The following EOLA1 variants were observed in gnomAD, a reference collection of about 807,000 sequenced individuals.
The protein encoded by EOLA1 is endothelium and lymphocyte associated ASCH domain 1, also known as protein EOLA1.
Under a neutral mutation model 4.5 loss-of-function variants are expected in EOLA1, and 1 was observed. That is an observed-to-expected ratio of 0.22 (90% CI 0.08 to 1.05). The LOEUF (loss-of-function observed/expected upper bound fraction) is 1.05, where lower values mean the gene tolerates loss of function less well. Ranked by LOEUF, EOLA1 falls within the 50% of genes least tolerant of loss-of-function variation. EOLA1 has a pLI of 0.57. For missense variants in EOLA1, 69 were observed against 127.2 expected (o/e 0.54, Z 2.20); for synonymous variants, 37 against 52.3 (o/e 0.71, Z 1.26).
chrX:149,544,571 T>C, intron 2 of EOLA1: 2 of 751,035 alleles, frequency 2.7e-6, no homozygotes, highest in Middle Eastern at 7.6e-4. Flanking sequence ...TCTCCCTTCC[T>C]CACAGCCATG....
At position 149,546,721 on chromosome X, in the gene EOLA1, A is replaced by G. The variant is rs782469876; in HGVS notation, c.254-18A>G. On this transcript the variant is annotated intron_variant, in intron 4 of 4. Transcript: ENST00000393985. ...ATGGAAGTGAAAGGCATTCATGTGTATCTCTCTTTGTGTACAGGACTCGTT... is the reference window on the plus strand; with the variant it reads ...ATGGAAGTGAAAGGCATTCATGTGTGTCTCTCTTTGTGTACAGGACTCGTT... The G allele has an allele frequency of 7.6e-6, 9 of 1,179,387 alleles. No individual in the cohort carries two copies. In the Middle Eastern group the frequency reaches 1.4e-3, roughly 184 times the overall value.
At chrX:149,544,488 G>C (rs1283811993) in intron 2 of EOLA1, 13 of 748,623 alleles carry the variant, frequency 1.7e-5, no homozygotes, top group Non-Finnish European at 2.0e-5. Context: ...CGGGCCTGAG[G>C]GGTGAGGGCA....
At chrX:149,549,416 A>C (rs781966227), downstream of EOLA1, 1,344 of 1,162,294 alleles carry the variant, frequency 1.2e-3, 4 homozygotes, top group Non-Finnish European at 1.4e-3. Flanking sequence ...TGTTTTGCAG[A>C]ATCCATAGAG....
At chrX:149,542,149 C>G (rs1332110237) in intron 2 of EOLA1, 64 bp downstream of exon 2, 6 of 421,235 alleles carry the variant, frequency 1.4e-5, no homozygotes, top group Non-Finnish European at 1.8e-5. Flanking sequence ...AGGGATTCCA[C>G]ATACACACAG....
Position 149,548,257 on chromosome X carries a change from C to A in EOLA1, c.*1295C>A. 1.6e-6 allele frequency: 1 copy of A among 627,205 alleles called. No individual in the cohort carries two copies. The highest frequency in any genetic ancestry group is 2.1e-6 in the Non-Finnish European group (1 of 474,265). The allele number at this position is 627,205 out of a possible 1,213,427, so 51.7% of individuals were successfully genotyped here. A position where few individuals can be genotyped will look rare whatever the true frequency, so the allele number is the denominator to read the frequency against. Reference sequence around the variant, plus strand: ...TTTATTTCCATGGAATTTTGTTTTTCTTTATTAAGACCAAAAATGTGTTTC... The same window carrying A: ...TTTATTTCCATGGAATTTTGTTTTTATTTATTAAGACCAAAAATGTGTTTC... On this transcript the variant is annotated 3_prime_UTR_variant, in exon 5 of 5. Transcript: ENST00000393985.
intron 2 of EOLA1, among the ~76,000 whole-genome samples, chrX:149,543,248 CAG>C (rs1337750441): frequency 7.7e-5 from 4 of 51,820 alleles, no homozygotes; most frequent in African/African-American, 1.8e-4. Context: ...CATGTTCCCT[CAG>C]GGGATGGAAG....
chrX:149,541,939 C>T, intron 1 of EOLA1, 80 bp from the exon 2 acceptor site: 1 of 617,187 alleles, frequency 1.6e-6, no homozygotes, highest in Non-Finnish European at 2.0e-6. Flanking sequence ...CTGCTAAGTA[C>T]ATGACCTTCT....
intron 1 of EOLA1, chrX:149,541,780 T>C: frequency 1.3e-6 from 1 of 755,974 alleles, no homozygotes; most frequent in Non-Finnish European, 1.6e-6. Context: ...TGAAATGATT[T>C]TCTGCCCTGC....
chrX:149,549,087 A>G (rs2089893376), downstream of EOLA1, among the ~76,000 whole-genome samples: 2 of 111,523 alleles, frequency 1.8e-5, no homozygotes, highest in Admixed American at 9.4e-5. Context: ...AGGCAGTAAT[A>G]TATAAACAGC....
In EOLA1 at chrX:149,547,020, C is replaced by G. The variant is rs1602818689; in HGVS notation, c.*58C>G. Reference sequence around the variant, plus strand: ...GAAACCAGCTAAATCATGACACCTTCAATTTGCCATCATGACGCAGACCTG... The same window carrying G: ...GAAACCAGCTAAATCATGACACCTTGAATTTGCCATCATGACGCAGACCTG... On this transcript the variant is annotated 3_prime_UTR_variant, in exon 5 of 5. Coordinates refer to ENST00000393985, the MANE Select transcript of EOLA1 (RefSeq NM_001171907.3). The G allele has an allele frequency of 1.0e-5, 12 of 1,203,313 alleles. No individual in the cohort carries two copies. The African/African-American group carries it at 1.4e-4, about 14-fold the overall frequency.
rs1450074342 is a variant in EOLA1, at chrX:149,547,979, G to A, written c.*1017G>A. ...CAGGAAGATATTGCCGGAATCAGGC[G>A]TCTATTCTTTCTCCTGACCAGCAGG... On this transcript the variant is annotated 3_prime_UTR_variant, in exon 5 of 5. Transcript: ENST00000393985. Among the ~76,000 whole-genome samples, 4 of 98,138 alleles carry A rather than the reference G, an allele frequency of 4.1e-5. No individual in the cohort carries two copies. The highest frequency in any genetic ancestry group is 5.0e-4 in the South Asian group (1 of 1,998). The allele number at this position is 98,138 out of a possible 115,157, so 85.2% of individuals were successfully genotyped here.
chrX:149,542,486 C>T (rs782763956), intron 2 of EOLA1, among the ~76,000 whole-genome samples: 94 of 109,976 alleles, frequency 8.5e-4, no homozygotes, highest in African/African-American at 2.8e-3. Context: ...GCGTGCCAGG[C>T]GGCCGAGGCA....
chrX:149,550,187 C>T (rs2089902443), downstream of EOLA1: 1 of 89,204 alleles, frequency 1.1e-5, no homozygotes, highest in Non-Finnish European at 2.2e-5. Context: ...CTGACAGTCA[C>T]ATTGTGTCAA....
intron 1 of EOLA1, chrX:149,541,689 C>G: frequency 1.7e-6 from 1 of 591,452 alleles, no homozygotes; most frequent in Non-Finnish European, 2.0e-6. Context: ...AAACACTCGC[C>G]CCGTGACAAT....
At chrX:149,544,671 A>C (rs611179) in intron 2 of EOLA1, 171 of 751,183 alleles carry the variant, frequency 2.3e-4, no homozygotes, top group South Asian at 1.5e-3. Context: ...GCCGTCCTCC[A>C]TGCAAGAGGA....
chrX:149,549,066 T>G (rs1212374108), downstream of EOLA1, among the ~76,000 whole-genome samples: 2 of 110,126 alleles, frequency 1.8e-5, no homozygotes, highest in African/African-American at 3.3e-5. Context: ...AGATAAACAA[T>G]TCATAGATCA....
Position 149,547,127 on chromosome X carries a change from G to C in EOLA1, c.*165G>C. On this transcript the variant is annotated 3_prime_UTR_variant, in exon 5 of 5. Transcript: ENST00000393985. ...ACTGTGCATGTAAACAGGTTCCTTTGCTCAGATGAAGGAAGTAGGGGGTGG... is the reference window on the plus strand; with the variant it reads ...ACTGTGCATGTAAACAGGTTCCTTTCCTCAGATGAAGGAAGTAGGGGGTGG... 9.4e-7 allele frequency: 1 copy of C among 1,059,048 alleles called. No homozygotes were observed. Among genetic ancestry groups the C allele is most frequent in the Non-Finnish European group, 1.2e-6 (1 of 812,951 alleles). 87.3% of individuals were successfully genotyped at this position (1,059,048 alleles called of 1,213,427 possible).
chrX:149,541,894 G>C (rs2089736710), intron 1 of EOLA1, 125 bp from the exon 2 acceptor site: 1 of 623,141 alleles, frequency 1.6e-6, no homozygotes, highest in Admixed American at 8.7e-5. Flanking sequence ...TTACTGATAA[G>C]ACCAGGCCTC....
At chrX:149,546,103 T>G (rs6641331) in intron 4 of EOLA1, among the ~76,000 whole-genome samples, 37 of 110,440 alleles carry the variant, frequency 3.4e-4, no homozygotes, top group Admixed American at 1.2e-3. Context: ...ACTCTGGGCC[T>G]CAGTTCCTGT....
Sources: gnomAD v4.1 joint callset for allele counts (sites outside exome capture counted in the v4.1 genomes callset) on GRCh38, gnomAD v4.1.1 for gene constraint, MANE v1.5 for transcripts, NCBI Gene and HGNC (gene_info 2026-07-23, HGNC 2026-07-21) for gene names.